OSBP2: variants seen among roughly 807,000 people sequenced by gnomAD.
The protein encoded by OSBP2 is oxysterol binding protein 2.
A neutral mutation model predicts 96.0 loss-of-function variants in OSBP2; 66 were observed. That is an observed-to-expected ratio of 0.69 (90% confidence interval 0.56 to 0.84). The LOEUF (loss-of-function observed/expected upper bound fraction) is 0.84, where lower values mean the gene tolerates loss of function less well. Among genes scored for constraint, OSBP2 ranks in the 40% least tolerant of loss-of-function variants. The pLI is 0.00. For synonymous variants in OSBP2, 525 were observed against 520.9 expected (o/e 1.01, Z -0.11); for missense variants, 1,038 against 1,222.7 (o/e 0.85, Z 2.25).
chr22:30,875,315 A>G (rs2039555197), intron 3 of OSBP2, among the ~76,000 whole-genome samples: 1 of 151,534 alleles, frequency 6.6e-6, no homozygotes, highest in South Asian at 2.1e-4. Context: ...TGTGCACGCC[A>G]CACTGGGCTC....
Position 30,695,222 on chromosome 22 carries a change from C to A in OSBP2, c.313C>A (p.Arg105=). The change falls in exon 1 of 14, where the codon CGG becomes AGG. Residue 105 remains arginine (R), a synonymous_variant. Transcript: ENST00000332585. ...GCCATCGGAACTGCTGCAGGGGTCGCGGCCGGGGTCAGAGTCAAGCTCAGG... is the reference window on the plus strand; with the variant it reads ...GCCATCGGAACTGCTGCAGGGGTCGAGGCCGGGGTCAGAGTCAAGCTCAGG... The part of the protein sequence containing the change: ...GQPSELLQGS[R]PGSESSSGVG... The A allele has an allele frequency of 6.2e-7, 1 of 1,613,174 alleles. No individual in the cohort carries two copies. The highest frequency in any genetic ancestry group is 8.5e-7 in the Non-Finnish European group (1 of 1,179,642).
In OSBP2 at chr22:30,725,663, A is replaced by C. The variant is rs143204422; in HGVS notation, c.645-15498A>C. ...ATCTCCTCCCCTTTCCTGGCTGTAA[A>C]ATGGGGCTAATTTCCTCCAACAAGT... On this transcript the variant is annotated intron_variant, in intron 1 of 13. Transcript: ENST00000332585. Among the ~76,000 whole-genome samples, 556 of 152,264 alleles carry C rather than the reference A, an allele frequency of 3.7e-3. 4 individuals are homozygous for C. Among genetic ancestry groups the C allele is most frequent in the African/African-American group, 0.013 (530 of 41,558 alleles).
At chr22:30,733,037 C>T (rs1048688678) in intron 1 of OSBP2, among the ~76,000 whole-genome samples, 7 of 152,162 alleles carry the variant, frequency 4.6e-5, no homozygotes, top group Non-Finnish European at 8.8e-5. Context: ...GGGAAGGCAA[C>T]CTCATTACCA....
At chr22:30,822,425 C>G in intron 2 of OSBP2, 1 of 1,009,652 alleles carries the variant, frequency 9.9e-7, no homozygotes, top group Non-Finnish European at 1.3e-6. Flanking sequence ...AGGCTGGGCT[C>G]GGCTCCCGCG....
At chr22:30,705,084 A>G (rs2145674913) in intron 1 of OSBP2, among the ~76,000 whole-genome samples, 1 of 152,280 alleles carries the variant, frequency 6.6e-6, no homozygotes, top group South Asian at 2.1e-4. Context: ...CCAGTCTTGC[A>G]GGGTGTCAAA....
chr22:30,903,766 GTGTGTT>G (rs771367868), intron 12 of OSBP2, among the ~76,000 whole-genome samples: 2 of 152,248 alleles, frequency 1.3e-5, no homozygotes, highest in African/African-American at 2.4e-5. Context: ...CCTGTTGCCT[GTGTGTT>G]TGTGTTTATC....
chr22:30,755,948 C>T (rs1025763615), intron 2 of OSBP2, among the ~76,000 whole-genome samples: 1 of 152,204 alleles, frequency 6.6e-6, no homozygotes, highest in Non-Finnish European at 1.5e-5. Context: ...GTTCCCTGGT[C>T]GGCATGCTCT....
At chr22:30,763,261 C>T (rs1027423816) in intron 2 of OSBP2, among the ~76,000 whole-genome samples, 2 of 152,154 alleles carry the variant, frequency 1.3e-5, no homozygotes, top group Non-Finnish European at 2.9e-5. Context: ...CCCTGCCCTG[C>T]TAAAACAGAA....
At chr22:30,739,192 C>A (rs939635158) in intron 1 of OSBP2, among the ~76,000 whole-genome samples, 1 of 152,146 alleles carries the variant, frequency 6.6e-6, no homozygotes, top group Non-Finnish European at 1.5e-5. Context: ...AGTCACCTAC[C>A]CTCCCCTTAT....
chr22:30,771,024 G>A (rs952125736), intron 2 of OSBP2, among the ~76,000 whole-genome samples: 1 of 152,228 alleles, frequency 6.6e-6, no homozygotes, highest in African/African-American at 2.4e-5. Context: ...TCAAAGCAGG[G>A]CAAGGTCATG....
chr22:30,805,212 A>C (rs879517991), intron 2 of OSBP2, among the ~76,000 whole-genome samples: 1 of 152,240 alleles, frequency 6.6e-6, no homozygotes, highest in African/African-American at 2.4e-5. Flanking sequence ...GCCTGCATTT[A>C]TGCACAGTTA....
rs545241458 is a variant in OSBP2 at position 30,701,632 on chromosome 22, C to T, written c.644+6079C>T. Among the ~76,000 whole-genome samples the T allele has an allele frequency of 2.0e-3, 306 of 152,252 alleles. 1 individual carries two copies. The highest frequency in any genetic ancestry group is 6.8e-3 in the African/African-American group (284 of 41,540). ...TGCTGGGATTACAGGCGTGAGCCAC[C>T]ACGCCCAGCCTTCAATGTCAATTTT... On this transcript the variant is annotated intron_variant, in intron 1 of 13. Coordinates refer to ENST00000332585, the MANE Select transcript of OSBP2 (RefSeq NM_030758.4).
At chr22:30,783,547 C>T (rs1042476995) in intron 2 of OSBP2, among the ~76,000 whole-genome samples, 8 of 151,972 alleles carry the variant, frequency 5.3e-5, no homozygotes, top group African/African-American at 1.9e-4. Context: ...GTCTCGAATT[C>T]CTGATCTCAA....
chr22:30,800,116 A>G (rs2090828579), intron 2 of OSBP2, among the ~76,000 whole-genome samples: 1 of 152,190 alleles, frequency 6.6e-6, no homozygotes, highest in East Asian at 1.9e-4. Context: ...ATTTAAAATT[A>G]TGCCATTCTT....
At position 30,725,175 on chromosome 22, in the gene OSBP2, C is replaced by A. The variant is rs376183165; in HGVS notation, c.645-15986C>A. On this transcript the variant is annotated intron_variant, in intron 1 of 13. Transcript: ENST00000332585. Reference sequence around the variant, plus strand: ...TGGGTGACAGAGCAAGACTCTGTCTCAAAAACAAAAAAACAAAAAAACAAA... The same window carrying A: ...TGGGTGACAGAGCAAGACTCTGTCTAAAAAACAAAAAAACAAAAAAACAAA... Among the ~76,000 whole-genome samples, 455 of 120,656 alleles carry A rather than the reference C, an allele frequency of 3.8e-3. 1 individual carries two copies. The highest frequency in any genetic ancestry group is 5.0e-3 in the East Asian group (18 of 3,614). The allele number at this position is 120,656 out of a possible 152,430, so 79.2% of individuals were successfully genotyped here.
intron 2 of OSBP2, among the ~76,000 whole-genome samples, chr22:30,786,064 C>A (rs1410850560): frequency 6.6e-6 from 1 of 151,662 alleles, no homozygotes; most frequent in Admixed American, 6.6e-5. Flanking sequence ...CGCTGTGTTA[C>A]CCAGGCTGGA....
intron 3 of OSBP2, among the ~76,000 whole-genome samples, chr22:30,886,822 G>A (rs189351897): frequency 1.3e-5 from 2 of 152,306 alleles, no homozygotes; most frequent in African/African-American, 2.4e-5. Flanking sequence ...ATGGAGGTGG[G>A]GGAGCAGATG....
At chr22:30,800,191 A>C (rs188526318) in intron 2 of OSBP2, among the ~76,000 whole-genome samples, 3 of 152,308 alleles carry the variant, frequency 2.0e-5, no homozygotes, top group Admixed American at 2.0e-4. Context: ...TATTGTGGAC[A>C]CTTTGCTGGG....
intron 2 of OSBP2, chr22:30,822,515 C>CGAGTGTCCGCCGCCTCGACCCAT: frequency 7.3e-7 from 1 of 1,373,144 alleles, no homozygotes; most frequent in Non-Finnish European, 9.4e-7. Flanking sequence ...CCGGGACCCA[C>CGAGTGTCCGCCGCCTCGACCCAT]GAGTGTCCGC....
Sources: allele counts gnomAD v4.1 joint callset (sites outside exome capture counted in the v4.1 genomes callset), GRCh38; gene constraint gnomAD v4.1.1; transcripts MANE v1.5; gene names NCBI Gene and HGNC (gene_info 2026-07-23, HGNC 2026-07-21).